The following STIM2 variants were observed in gnomAD, a reference collection of about 807,000 sequenced individuals.
STIM2 encodes stromal interaction molecule 2.
Under a neutral mutation model 85.8 loss-of-function variants are expected in STIM2, and 31 were observed. That is an observed-to-expected ratio of 0.36 (90% confidence interval 0.27 to 0.49). The LOEUF is 0.49. STIM2 is among the 20% of genes least tolerant of loss of function. STIM2 has a pLI of 0.98. For synonymous variants in STIM2, 356 were observed against 331.1 expected (o/e 1.08, Z -0.82); for missense variants, 841 against 927.6 (o/e 0.91, Z 1.21).
Position 27,022,706 on chromosome 4 carries a change from C to T in STIM2, c.1951C>T (p.Pro651Ser). ...AACTGTGGATGTGTCTTGGGGTTCT[C>T]CCGACTGTGTAGGTCTGACAGAAAC... is the stretch of plus-strand genomic sequence containing the variant. The change falls in exon 12 of 12, where the codon CCC (proline) becomes TCC (serine). Residue 651 changes from proline to serine, a missense_variant. By Grantham distance (74) the Pro-to-Ser change is moderately conservative. Around this residue, in one of 3 missense-constraint regions of STIM2, gnomAD observed 293 missense variants for 284.5 expected, o/e 1.03. Coordinates refer to ENST00000467087, the MANE Select transcript of STIM2 (RefSeq NM_020860.4). 6.2e-7 allele frequency: 1 copy of T among 1,614,224 alleles called. No homozygotes were observed.
chr4:26,893,757 G>A (rs1343463049), intron 1 of STIM2, among the ~76,000 whole-genome samples: 1 of 118,758 alleles, frequency 8.4e-6, no homozygotes, highest in Non-Finnish European at 1.7e-5. Context: ...CACGAACATT[G>A]GTATTAAACA....
At chr4:26,970,225 ATATATATATATATATATATATG>A (rs201413107) in intron 3 of STIM2, among the ~76,000 whole-genome samples, 5,021 of 80,066 alleles carry the variant, frequency 0.063, 206 homozygotes, top group East Asian at 0.16. Flanking sequence ...ATATATATGT[ATATATATATATATATATATATG>A]TATGTATTTT....
chr4:26,951,284 T>G (rs1726038455), intron 2 of STIM2, among the ~76,000 whole-genome samples: 1 of 152,138 alleles, frequency 6.6e-6, no homozygotes, highest in Non-Finnish European at 1.5e-5. Context: ...TTGCTAGAAT[T>G]TTCCCCCTGC....
intron 1 of STIM2, among the ~76,000 whole-genome samples, chr4:26,892,215 A>G (rs1418477763): frequency 6.6e-6 from 1 of 152,214 alleles, no homozygotes; most frequent in Non-Finnish European, 1.5e-5. Context: ...ATGAACGAAT[A>G]CATCAGGCTT....
At chr4:26,880,682 A>T (rs1276106951) in intron 1 of STIM2, among the ~76,000 whole-genome samples, 1 of 142,602 alleles carries the variant, frequency 7.0e-6, no homozygotes, top group Non-Finnish European at 1.5e-5. Flanking sequence ...TATATATGTA[A>T]ATATATATAT....
intron 3 of STIM2, among the ~76,000 whole-genome samples, chr4:26,973,831 AGTGGGTT>A (rs1246049711): frequency 2.0e-5 from 3 of 152,166 alleles, no homozygotes; most frequent in African/African-American, 7.2e-5. Flanking sequence ...TGATATTGAC[AGTGGGTT>A]GTTAAAGTCT....
chr4:26,990,007 C>T (rs142384640), intron 3 of STIM2, among the ~76,000 whole-genome samples: 146 of 152,128 alleles, frequency 9.6e-4, no homozygotes, highest in African/African-American at 3.2e-3. Context: ...AAGAATTCAT[C>T]TTGTTAAAAT....
chr4:27,008,091 T>G (rs921866799), intron 8 of STIM2: 2 of 689,092 alleles, frequency 2.9e-6, no homozygotes, highest in Non-Finnish European at 5.3e-6. Flanking sequence ...CCAAAAAATT[T>G]AAAAGCTTAG....
intron 3 of STIM2, among the ~76,000 whole-genome samples, chr4:26,975,572 A>T (rs978384388): frequency 6.6e-6 from 1 of 152,148 alleles, no homozygotes; most frequent in East Asian, 1.9e-4. Flanking sequence ...AGGCTGCAGA[A>T]CAGCAAATAT....
intron 3 of STIM2, among the ~76,000 whole-genome samples, chr4:26,969,459 T>A (rs1351684003): frequency 6.6e-6 from 1 of 152,262 alleles, no homozygotes; most frequent in African/African-American, 2.4e-5. Context: ...AGACTTTTAA[T>A]GATAGTGCTA....
At position 26,946,035 on chromosome 4, in the gene STIM2, T is replaced by C. The variant is rs545681668; in HGVS notation, c.283-11577T>C. On this transcript the variant is annotated intron_variant, in intron 2 of 11. Transcript: ENST00000467087. ...TTAGTTGGACATGCAAAAATCATTATTTTTCTTCTATTAGTATTAAAGTGA... is the reference window on the plus strand; with the variant it reads ...TTAGTTGGACATGCAAAAATCATTACTTTTCTTCTATTAGTATTAAAGTGA... 1.4e-4 allele frequency among the ~76,000 whole-genome samples: 21 copies of C among 152,314 alleles called. No homozygotes were observed. The East Asian group carries it at 2.9e-3, about 21-fold the overall frequency.
chr4:27,022,368 G>A (rs1728942175), intron 11 of STIM2, 151 bp from the exon 12 acceptor site: 1 of 565,364 alleles, frequency 1.8e-6, no homozygotes, highest in Non-Finnish European at 3.0e-6. Context: ...AAGAAGTAAT[G>A]TTCTAATTTT....
At chr4:26,947,703 A>G (rs1010175624) in intron 2 of STIM2, among the ~76,000 whole-genome samples, 1 of 152,136 alleles carries the variant, frequency 6.6e-6, no homozygotes, top group African/African-American at 2.4e-5. Context: ...CTTCCTCCCC[A>G]GGTCTGAGTG....
chr4:27,021,222 T>G (rs1443520183), intron 11 of STIM2: 5 of 605,256 alleles, frequency 8.3e-6, no homozygotes, highest in Non-Finnish European at 1.4e-5. Context: ...TTAATAAGGC[T>G]CCTTGTCCTT....
At chr4:26,968,250 A>G (rs1436419140) in intron 3 of STIM2, among the ~76,000 whole-genome samples, 3 of 152,152 alleles carry the variant, frequency 2.0e-5, no homozygotes, top group African/African-American at 7.2e-5. Flanking sequence ...TCACACACAC[A>G]CACTCAAATC....
At chr4:26,887,183 CTTTTT>C (rs34736602) in intron 1 of STIM2, among the ~76,000 whole-genome samples, 13 of 70,950 alleles carry the variant, frequency 1.8e-4, no homozygotes, top group African/African-American at 5.7e-4. Flanking sequence ...AATAATTAAA[CTTTTT>C]TTTTTTTTTT....
At chr4:26,910,465 A>G (rs1724294042) in intron 1 of STIM2, among the ~76,000 whole-genome samples, 2 of 152,032 alleles carry the variant, frequency 1.3e-5, no homozygotes, top group South Asian at 4.2e-4. Flanking sequence ...CAGAGGTTAC[A>G]GTGAGCTGAG....
intron 1 of STIM2, among the ~76,000 whole-genome samples, chr4:26,864,431 G>A (rs543903050): frequency 6.6e-6 from 1 of 151,958 alleles, no homozygotes; most frequent in Non-Finnish European, 1.5e-5. Flanking sequence ...GATCCTGGTA[G>A]GGAGTGACCG....
intron 1 of STIM2, among the ~76,000 whole-genome samples, chr4:26,898,892 A>T (rs962657006): frequency 3.9e-5 from 6 of 152,214 alleles, no homozygotes; most frequent in Admixed American, 3.9e-4. Flanking sequence ...AAATTTAGCA[A>T]TCTTTCTAAA....
Sources: allele counts gnomAD v4.1 joint callset (sites outside exome capture counted in the v4.1 genomes callset), GRCh38; gene constraint gnomAD v4.1.1; regional missense constraint gnomAD v4.1.1; transcripts MANE v1.5; gene names NCBI Gene and HGNC (gene_info 2026-07-23, HGNC 2026-07-21).